The following CHRM3 variants were observed in gnomAD, a reference collection of about 807,000 sequenced individuals.
CHRM3 encodes cholinergic receptor muscarinic 3.
In CHRM3, 11 loss-of-function variants were observed where a neutral mutation model predicts 41.8. The observed-to-expected ratio is 0.26, with a 90% CI of 0.17 to 0.44. The LOEUF is 0.44. Among genes scored for constraint, CHRM3 ranks in the 20% least tolerant of loss-of-function variants. The probability of loss-of-function intolerance (pLI) is 1.00; values close to 1 mark genes in which losing one functional copy is unlikely to be tolerated. For missense variants in CHRM3, 571 were observed against 745.4 expected (o/e 0.77, Z 2.72); for synonymous variants, 297 against 301.4 (o/e 0.99, Z 0.15).
intron 2 of CHRM3, among the ~76,000 whole-genome samples, chr1:239,533,717 G>A (rs1175661250): frequency 8.9e-6 from 1 of 112,668 alleles, no homozygotes; most frequent in African/African-American, 3.5e-5. Context: ...GGCAACAAGA[G>A]CCAAACTCTG....
chr1:239,882,128 G>A (rs138657855), intron 6 of CHRM3, among the ~76,000 whole-genome samples: 96 of 152,020 alleles, frequency 6.3e-4, no homozygotes, highest in Admixed American at 2.0e-3. Flanking sequence ...GGCTGGTCTC[G>A]AACTCCTGAA....
At chr1:239,606,422 CCCA>C (rs1243444475) in intron 3 of CHRM3, among the ~76,000 whole-genome samples, 1 of 151,980 alleles carries the variant, frequency 6.6e-6, no homozygotes, top group East Asian at 1.9e-4. Context: ...ACTACAGGCG[CCCA>C]CCAGCACGTT....
At chr1:239,502,051 A>G (rs1424594201) in intron 2 of CHRM3, among the ~76,000 whole-genome samples, 1 of 152,118 alleles carries the variant, frequency 6.6e-6, no homozygotes, top group Non-Finnish European at 1.5e-5. Flanking sequence ...ACCCAAACCC[A>G]GCAGAAGAAA....
At chr1:239,485,496 C>T (rs1392858989) in intron 1 of CHRM3, among the ~76,000 whole-genome samples, 1 of 152,072 alleles carries the variant, frequency 6.6e-6, no homozygotes, top group African/African-American at 2.4e-5. Flanking sequence ...ATTGCCCAGG[C>T]TAGTCTTGAA....
At chr1:239,681,933 T>A (rs1056572070) in intron 5 of CHRM3, among the ~76,000 whole-genome samples, 9 of 152,208 alleles carry the variant, frequency 5.9e-5, no homozygotes, top group African/African-American at 1.9e-4. Flanking sequence ...AATCAACATG[T>A]GAGGCATGGT....
chr1:239,695,623 T>C (rs906238683), intron 5 of CHRM3, among the ~76,000 whole-genome samples: 1 of 151,988 alleles, frequency 6.6e-6, no homozygotes, highest in Non-Finnish European at 1.5e-5. Context: ...GTGATAAAAA[T>C]GCAAAGTTAT....
intron 2 of CHRM3, among the ~76,000 whole-genome samples, chr1:239,516,756 C>T (rs548461362): frequency 1.0e-3 from 159 of 152,282 alleles, no homozygotes; most frequent in Non-Finnish European, 1.6e-3. Flanking sequence ...GGCAGTCCAG[C>T]GAGCGAAACG....
chr1:239,453,468 A>G lies in CHRM3; in HGVS notation c.-520-39241A>G, dbSNP rs377739603. ...AATGGATACCAATGTCTATGAAAACATCTATGCTGTCATTTTAAATACATG... is the reference window on the plus strand; with the variant it reads ...AATGGATACCAATGTCTATGAAAACGTCTATGCTGTCATTTTAAATACATG... On this transcript the variant is annotated intron_variant, in intron 1 of 6. Coordinates refer to ENST00000676153, the MANE Select transcript of CHRM3 (RefSeq NM_001375978.1). Among the ~76,000 whole-genome samples the G allele has an allele frequency of 1.2e-3, 184 of 152,342 alleles. 7 individuals carry two copies. In the South Asian group the frequency reaches 0.036, roughly 29 times the overall value.
At chr1:239,425,904 C>T (rs999933650) in intron 1 of CHRM3, among the ~76,000 whole-genome samples, 5 of 152,056 alleles carry the variant, frequency 3.3e-5, no homozygotes, top group African/African-American at 4.8e-5. Context: ...TTATAAAAGC[C>T]GTTCAGTGTT....
chr1:239,783,261 A>G (rs1331843510), intron 5 of CHRM3, among the ~76,000 whole-genome samples: 1 of 151,828 alleles, frequency 6.6e-6, no homozygotes, highest in Non-Finnish European at 1.5e-5. Flanking sequence ...ATAATTTAAT[A>G]TAATAATTAT....
intron 2 of CHRM3, among the ~76,000 whole-genome samples, chr1:239,519,024 A>G (rs577952731): frequency 2.1e-4 from 32 of 152,276 alleles, no homozygotes; most frequent in African/African-American, 7.5e-4. Context: ...CCAGACACCT[A>G]TTTACAAAGT....
At chr1:239,880,430 C>T (rs1677491440) in intron 6 of CHRM3, among the ~76,000 whole-genome samples, 1 of 152,188 alleles carries the variant, frequency 6.6e-6, no homozygotes. Context: ...GAGATATTAT[C>T]TATATAGAAG....
chr1:239,538,671 A>G (rs927443108), intron 2 of CHRM3, among the ~76,000 whole-genome samples: 4 of 152,252 alleles, frequency 2.6e-5, no homozygotes, highest in Non-Finnish European at 5.9e-5. Flanking sequence ...CATGTGGAAT[A>G]AATATAGGAG....
intron 3 of CHRM3, among the ~76,000 whole-genome samples, chr1:239,596,631 G>A (rs1196278060): frequency 2.0e-5 from 3 of 152,082 alleles, no homozygotes; most frequent in African/African-American, 7.2e-5. Flanking sequence ...TAATTGATTA[G>A]TTTTAAATCA....
chr1:239,462,826 T>A (rs536818267), intron 1 of CHRM3, among the ~76,000 whole-genome samples: 1 of 152,308 alleles, frequency 6.6e-6, no homozygotes, highest in African/African-American at 2.4e-5. Flanking sequence ...GTTTTAAAAT[T>A]CCATAGTGGG....
chr1:239,552,239 CAT>C (rs1225348249), intron 3 of CHRM3, among the ~76,000 whole-genome samples: 4 of 61,408 alleles, frequency 6.5e-5, no homozygotes, highest in African/African-American at 1.1e-4. Context: ...TGATATGTAT[CAT>C]ATATATGTAT....
chr1:239,452,767 A>T (rs758165753), intron 1 of CHRM3, among the ~76,000 whole-genome samples: 1 of 152,252 alleles, frequency 6.6e-6, no homozygotes, highest in Non-Finnish European at 1.5e-5. Flanking sequence ...CTCTTTCTGT[A>T]TTTAGGCTTG....
At chr1:239,549,996 A>C (rs1056458485) in intron 3 of CHRM3, among the ~76,000 whole-genome samples, 1 of 151,752 alleles carries the variant, frequency 6.6e-6, no homozygotes, top group African/African-American at 2.4e-5. Context: ...TGAGTCCTTT[A>C]AGAAGAGAGC....
intron 6 of CHRM3, among the ~76,000 whole-genome samples, chr1:239,859,426 T>TG (rs1322499324): frequency 9.5e-5 from 14 of 146,700 alleles, no homozygotes; most frequent in Non-Finnish European, 2.1e-4. Context: ...GTTGTTTTTT[T>TG]TTTTTGTTTT....
Sources: allele counts gnomAD v4.1 joint callset (sites outside exome capture counted in the v4.1 genomes callset), GRCh38; gene constraint gnomAD v4.1.1; transcripts MANE v1.5; gene names NCBI Gene and HGNC (gene_info 2026-07-23, HGNC 2026-07-21).